ADAMTS20: variants seen among roughly 807,000 people sequenced by gnomAD.
The protein encoded by ADAMTS20 is A disintegrin and metalloproteinase with thrombospondin motifs 20.
A neutral mutation model predicts 260.1 loss-of-function variants in ADAMTS20; 225 were observed. That is an observed-to-expected ratio of 0.87 (90% CI 0.78 to 0.97). The LOEUF is 0.97. Among genes scored for constraint, ADAMTS20 ranks in the 50% least tolerant of loss-of-function variants. The pLI is 0.00. For synonymous variants in ADAMTS20, 802 were observed against 769.5 expected (o/e 1.04, Z -0.70); for missense variants, 2,400 against 2,337.7 (o/e 1.03, Z -0.55).
In ADAMTS20 at chr12:43,479,199, T is replaced by C. The variant is rs939452370; in HGVS notation, c.1118-10494A>G. On this transcript the variant is annotated intron_variant, in intron 7 of 38. Coordinates refer to ENST00000389420, the MANE Select transcript of ADAMTS20 (RefSeq NM_025003.5). ...CACAGTTGTAAAAGGTTCTATTCAC[T>C]AAACTATGTATCTAATAAGTTAGCC... Among the ~76,000 whole-genome samples the C allele has an allele frequency of 1.2e-4, 18 of 152,236 alleles. 1 individual carries two copies. Among genetic ancestry groups the C allele is most frequent in the African/African-American group, 4.1e-4 (17 of 41,468 alleles).
At chr12:43,492,923 C>A (rs960481028) in intron 5 of ADAMTS20, among the ~76,000 whole-genome samples, 2 of 152,108 alleles carry the variant, frequency 1.3e-5, no homozygotes, top group Admixed American at 1.3e-4. Flanking sequence ...AAAATGAATA[C>A]TAAGGTTTTC....
At chr12:43,527,780 G>A (rs1943163282) in intron 3 of ADAMTS20, among the ~76,000 whole-genome samples, 1 of 152,022 alleles carries the variant, frequency 6.6e-6, no homozygotes, top group South Asian at 2.1e-4. Flanking sequence ...ACTGGAACAA[G>A]GCAAGGAGGC....
chr12:43,549,103 T>A (rs1943478137), intron 2 of ADAMTS20, among the ~76,000 whole-genome samples: 1 of 151,998 alleles, frequency 6.6e-6, no homozygotes, highest in African/African-American at 2.4e-5. Flanking sequence ...AAAATTTATA[T>A]AACATAAATG....
intron 22 of ADAMTS20, 116 bp from the exon 23 acceptor site, chr12:43,430,587 CT>C: frequency 1.0e-6 from 1 of 971,202 alleles, no homozygotes; most frequent in Non-Finnish European, 1.4e-6. Context: ...TTTATCAATC[CT>C]TTATACTAGA....
At chr12:43,449,504 C>A (rs963626669) in intron 14 of ADAMTS20, among the ~76,000 whole-genome samples, 1 of 151,634 alleles carries the variant, frequency 6.6e-6, no homozygotes, top group East Asian at 1.9e-4. Flanking sequence ...GTAGGAGGCG[C>A]GAGAGGATCA....
intron 29 of ADAMTS20, among the ~76,000 whole-genome samples, chr12:43,395,344 A>G (rs1045529138): frequency 2.0e-5 from 3 of 152,172 alleles, no homozygotes; most frequent in African/African-American, 4.8e-5. Flanking sequence ...TATAAAACAT[A>G]TATGTATATG....
rs1272320751 is a variant in ADAMTS20 at position 43,375,938 on chromosome 12, C to G, written c.5312+119G>C. The G allele has an allele frequency of 4.0e-6, 3 of 741,688 alleles. No homozygotes were observed. The South Asian group carries it at 6.0e-5, about 15-fold the overall frequency. The allele number at this position is 741,688 out of a possible 1,614,324, so 45.9% of individuals were successfully genotyped here. On this transcript the variant is annotated intron_variant, in intron 35 of 38. Coordinates refer to ENST00000389420, the MANE Select transcript of ADAMTS20 (RefSeq NM_025003.5). The stretch of plus-strand genomic sequence containing the variant: ...CTAGTTTAGGTCCTAACATGTCTAC[C>G]TGCTCCTACATTATTTGTCTCACAT...
intron 14 of ADAMTS20, among the ~76,000 whole-genome samples, chr12:43,448,082 C>T (rs1941795284): frequency 6.6e-6 from 1 of 152,026 alleles, no homozygotes; most frequent in Non-Finnish European, 1.5e-5. Flanking sequence ...ATGTACACAT[C>T]CAATGCCATT....
intron 28 of ADAMTS20, among the ~76,000 whole-genome samples, chr12:43,410,430 A>G (rs1592054529): frequency 6.6e-6 from 1 of 152,368 alleles, no homozygotes; most frequent in East Asian, 1.9e-4. Flanking sequence ...ATTTTAAAAC[A>G]AGGCAATCCT....
rs538467111 is a variant in ADAMTS20, at chr12:43,529,677, G to A, written c.613+2359C>T. On this transcript the variant is annotated intron_variant, in intron 3 of 38. Transcript: ENST00000389420. ...AAGCGGGAGGGTAGGAGGGGGGTGC[G>A]GAATAAAAATCTACATATGAGGTGC... Among the ~76,000 whole-genome samples the A allele has an allele frequency of 3.9e-5, 6 of 151,936 alleles. No homozygotes were observed. In the South Asian group the frequency reaches 6.2e-4, roughly 16 times the overall value.
rs71091159 is a variant in ADAMTS20, at chr12:43,492,397, A to AAAAAC, written c.1076+107_1076+108insGTTTT. 6.2e-6 allele frequency: 8 copies of AAAAAC among 1,295,778 alleles called. 1 individual carries two copies. In the African/African-American group the frequency reaches 1.6e-4, roughly 26 times the overall value. 80.3% of individuals were successfully genotyped at this position (1,295,778 alleles called of 1,614,324 possible). A position where few individuals can be genotyped will look rare whatever the true frequency, so the allele number is the denominator to read the frequency against. The stretch of plus-strand genomic sequence containing the variant: ...TCTGTCTCAAAAAAAAAAGAAAAAG[A>AAAAAC]AAAAGAAAAACAAAAACAAAACAAA... On this transcript the variant is annotated intron_variant, in intron 6 of 38. Transcript: ENST00000389420.
intron 3 of ADAMTS20, among the ~76,000 whole-genome samples, chr12:43,528,347 G>GAAAA (rs1565583137): frequency 4.3e-3 from 10 of 2,306 alleles, no homozygotes; most frequent in African/African-American, 7.6e-3. Flanking sequence ...GCAATCCTAA[G>GAAAA]CAAAAAAAAA....
intron 11 of ADAMTS20, among the ~76,000 whole-genome samples, chr12:43,460,978 A>ATTTTT: frequency 2.2e-5 from 1 of 45,802 alleles, no homozygotes; most frequent in East Asian, 8.9e-3. Flanking sequence ...ATATATATAT[A>ATTTTT]TATATATATA....
intron 28 of ADAMTS20, among the ~76,000 whole-genome samples, chr12:43,416,670 G>A (rs552597201): frequency 5.3e-5 from 8 of 151,988 alleles, no homozygotes; most frequent in Admixed American, 4.6e-4. Context: ...ACAGGCGCCC[G>A]CCACCACGCC....
chr12:43,407,238 C>A (rs961382147), intron 28 of ADAMTS20, among the ~76,000 whole-genome samples: 1 of 151,752 alleles, frequency 6.6e-6, no homozygotes, highest in Non-Finnish European at 1.5e-5. Flanking sequence ...GATTAATTTG[C>A]AAATATATTT....
chr12:43,493,490 A>T lies in ADAMTS20; in HGVS notation c.868-237T>A, dbSNP rs567616657. On this transcript the variant is annotated intron_variant, in intron 4 of 38. Coordinates refer to ENST00000389420, the MANE Select transcript of ADAMTS20 (RefSeq NM_025003.5). ...GATTCTCAAAATTTGAGTATCTTAA[A>T]CCTTGCTACTGAGACTGATCCATGG... is the stretch of plus-strand genomic sequence containing the variant. Among the ~76,000 whole-genome samples the T allele has an allele frequency of 2.0e-5, 3 of 152,208 alleles. No homozygotes were observed. The East Asian group carries it at 5.8e-4, about 29-fold the overall frequency.
intron 28 of ADAMTS20, among the ~76,000 whole-genome samples, chr12:43,418,298 A>C: frequency 6.6e-6 from 1 of 152,158 alleles, no homozygotes; most frequent in South Asian, 2.1e-4. Flanking sequence ...TTCTCCTGCT[A>C]GGTGATTTTG....
At chr12:43,481,114 T>C (rs10748360) in intron 7 of ADAMTS20, among the ~76,000 whole-genome samples, 1 of 151,854 alleles carries the variant, frequency 6.6e-6, no homozygotes, top group Non-Finnish European at 1.5e-5. Flanking sequence ...AATTTTAAAA[T>C]TCTATGGAAT....
intron 2 of ADAMTS20, among the ~76,000 whole-genome samples, chr12:43,536,568 G>A (rs1366994545): frequency 6.6e-6 from 1 of 152,156 alleles, no homozygotes; most frequent in Non-Finnish European, 1.5e-5. Flanking sequence ...ACTCTGGAGG[G>A]GACAGCAAAG....
Sources: gnomAD v4.1 joint callset for allele counts (sites outside exome capture counted in the v4.1 genomes callset) on GRCh38, gnomAD v4.1.1 for gene constraint, MANE v1.5 for transcripts, NCBI Gene and HGNC (gene_info 2026-07-23, HGNC 2026-07-21) for gene names.